Variants in BBS9 observed in about 807,000 individuals in gnomAD.
The protein encoded by BBS9 is protein PTHB1.
A neutral mutation model predicts 117.7 loss-of-function variants in BBS9; 89 were observed. That is an observed-to-expected ratio of 0.76 (90% CI 0.64 to 0.90). BBS9 has a LOEUF of 0.90. Among genes scored for constraint, BBS9 ranks in the 40% least tolerant of loss-of-function variants. The pLI is 0.00. For synonymous variants in BBS9, 379 were observed against 370.9 expected (o/e 1.02, Z -0.25); for missense variants, 982 against 1,042.2 (o/e 0.94, Z 0.80).
chr7:33,403,104 A>G (rs1379905793), intron 19 of BBS9, among the ~76,000 whole-genome samples: 1 of 151,870 alleles, frequency 6.6e-6, no homozygotes, highest in Non-Finnish European at 1.5e-5. Flanking sequence ...AATAATTTCA[A>G]CTTTTATTTT....
At chr7:33,402,296 A>G (rs958989294) in intron 19 of BBS9, among the ~76,000 whole-genome samples, 2 of 152,132 alleles carry the variant, frequency 1.3e-5, no homozygotes, top group African/African-American at 2.4e-5. Flanking sequence ...CTCATCTCCT[A>G]TTTCTGCAGA....
chr7:33,179,440 G>A (rs934974745), intron 5 of BBS9, among the ~76,000 whole-genome samples: 34 of 152,124 alleles, frequency 2.2e-4, no homozygotes, highest in African/African-American at 7.0e-4. Context: ...CCTGAGCTGC[G>A]CCTTCTGTCA....
chr7:33,618,364 C>T lies in BBS9; in HGVS notation c.2522-16813C>T, dbSNP rs180944756. Among the ~76,000 whole-genome samples the T allele has an allele frequency of 2.2e-3, 339 of 151,518 alleles. 2 individuals are homozygous for T. Among genetic ancestry groups the T allele is most frequent in the African/African-American group, 7.7e-3 (320 of 41,340 alleles). ...TGTCTCAAAAAAAAAAAAAGTAAGA[C>T]ATTAACTGACAATATGAAAACCTAT... On this transcript the variant is annotated intron_variant, in intron 21 of 21. Transcript: ENST00000671952.
At chr7:33,231,585 A>C (rs1792457375) in intron 5 of BBS9, among the ~76,000 whole-genome samples, 1 of 151,846 alleles carries the variant, frequency 6.6e-6, no homozygotes, top group South Asian at 2.1e-4. Context: ...GGTTCCATAT[A>C]AACTTTGGGA....
At chr7:33,314,636 T>C (rs1810084396) in intron 9 of BBS9, 1 of 152,714 alleles carries the variant, frequency 6.5e-6, no homozygotes, top group Non-Finnish European at 1.5e-5. Context: ...ATAAGTATTA[T>C]AGATAAAGAT....
chr7:33,374,267 A>G (rs1234791030), intron 17 of BBS9, among the ~76,000 whole-genome samples: 4 of 152,280 alleles, frequency 2.6e-5, no homozygotes, highest in East Asian at 1.9e-4. Flanking sequence ...TTGATAAAGC[A>G]TGAGGTTTCA....
At chr7:33,176,579 A>G (rs185216031) in intron 4 of BBS9, among the ~76,000 whole-genome samples, 1 of 152,180 alleles carries the variant, frequency 6.6e-6, no homozygotes, top group African/African-American at 2.4e-5. Context: ...GGACAAACAA[A>G]CCCAAAACAA....
At chr7:33,450,866 T>G (rs1172435029) in intron 19 of BBS9, among the ~76,000 whole-genome samples, 1 of 149,362 alleles carries the variant, frequency 6.7e-6, no homozygotes, top group Non-Finnish European at 1.5e-5. Flanking sequence ...GTTCAGAAGT[T>G]TTTTTTTTTT....
intron 5 of BBS9, among the ~76,000 whole-genome samples, chr7:33,228,290 C>T (rs776762287): frequency 6.6e-6 from 1 of 151,950 alleles, no homozygotes; most frequent in African/African-American, 2.4e-5. Context: ...TGAGAATTGT[C>T]TATTCATGTC....
chr7:33,404,197 A>T (rs1010273420), intron 19 of BBS9, among the ~76,000 whole-genome samples: 2 of 151,862 alleles, frequency 1.3e-5, no homozygotes, highest in African/African-American at 2.4e-5. Flanking sequence ...TGTTCCATTG[A>T]TCTATATCTC....
At chr7:33,211,040 T>A (rs1161947633) in intron 5 of BBS9, among the ~76,000 whole-genome samples, 1 of 152,248 alleles carries the variant, frequency 6.6e-6, no homozygotes, top group Non-Finnish European at 1.5e-5. Context: ...TTCTATCCCT[T>A]TGATTTCATT....
intron 9 of BBS9, among the ~76,000 whole-genome samples, chr7:33,286,957 G>T (rs983060935): frequency 1.3e-5 from 2 of 151,846 alleles, no homozygotes; most frequent in Non-Finnish European, 2.9e-5. Flanking sequence ...GATTTTTTTT[G>T]ATAACATAAG....
At chr7:33,262,690 C>A (rs1269767479) in intron 6 of BBS9, among the ~76,000 whole-genome samples, 1 of 152,166 alleles carries the variant, frequency 6.6e-6, no homozygotes. Context: ...ACTCATTCCT[C>A]CCTGTCATGC....
intron 13 of BBS9, among the ~76,000 whole-genome samples, chr7:33,349,683 G>A (rs1818274807): frequency 6.6e-6 from 1 of 152,050 alleles, no homozygotes; most frequent in African/African-American, 2.4e-5. Context: ...TGCCTATCTC[G>A]GCCTCCCAGA....
intron 13 of BBS9, among the ~76,000 whole-genome samples, chr7:33,349,956 G>C (rs763383574): frequency 6.6e-6 from 1 of 152,062 alleles, no homozygotes; most frequent in Non-Finnish European, 1.5e-5. Context: ...AATGATATTT[G>C]TTTTACAAGG....
intron 19 of BBS9, among the ~76,000 whole-genome samples, chr7:33,473,035 G>A (rs1424605874): frequency 6.6e-6 from 1 of 152,142 alleles, no homozygotes; most frequent in Admixed American, 6.5e-5. Context: ...GCCCTGGATG[G>A]CCCTGCCGAG....
In BBS9 at chr7:33,511,761, G is replaced by A. The variant is rs78932560; in HGVS notation, c.2298+6116G>A. 5.3e-3 allele frequency among the ~76,000 whole-genome samples: 801 copies of A among 152,318 alleles called. 11 individuals are homozygous for A. The highest frequency in any genetic ancestry group is 0.018 in the African/African-American group (766 of 41,572). On this transcript the variant is annotated intron_variant, in intron 20 of 22. Transcript: ENST00000242067. ...ATAACATGTTCAGCATGGTTCATGT[G>A]AGAAAACAGATGTTTATAATAGGAA...
intron 1 of BBS9, among the ~76,000 whole-genome samples, chr7:33,133,823 G>A (rs1790005330): frequency 6.6e-6 from 1 of 152,132 alleles, no homozygotes; most frequent in South Asian, 2.1e-4. Context: ...ATACTTCAGT[G>A]TCAGATTGCT....
intron 19 of BBS9, among the ~76,000 whole-genome samples, chr7:33,415,354 C>A (rs1183247305): frequency 6.6e-6 from 1 of 152,050 alleles, no homozygotes; most frequent in Non-Finnish European, 1.5e-5. Flanking sequence ...AGAGAAGATG[C>A]CTCTAAGAGA....
Sources: allele counts gnomAD v4.1 joint callset (sites outside exome capture counted in the v4.1 genomes callset), GRCh38; gene constraint gnomAD v4.1.1; transcripts MANE v1.5; gene names NCBI Gene and HGNC (gene_info 2026-07-23, HGNC 2026-07-21).